The following DOCK3 variants were observed in gnomAD, a reference collection of about 807,000 sequenced individuals.
DOCK3 encodes dedicator of cytokinesis protein 3.
Under a neutral mutation model 265.6 loss-of-function variants are expected in DOCK3, and 60 were observed. The ratio of observed to expected loss-of-function variants is 0.23; its 90% CI spans 0.18 to 0.28. The LOEUF (loss-of-function observed/expected upper bound fraction) is 0.28, where lower values mean the gene tolerates loss of function less well. Among genes scored for constraint, DOCK3 ranks in the 10% least tolerant of loss-of-function variants. DOCK3 has a pLI of 1.00. For synonymous variants in DOCK3, 881 were observed against 938.0 expected (o/e 0.94, Z 1.11); for missense variants, 1,981 against 2,594.3 (o/e 0.76, Z 5.14).
intron 3 of DOCK3, 41 bp from the exon 4 acceptor site, chr3:50,889,985 A>G: frequency 2.9e-6 from 4 of 1,363,860 alleles, no homozygotes; most frequent in Non-Finnish European, 3.8e-6. Context: ...TGTTAATCAC[A>G]ATTTTATTTT....
chr3:51,062,803 G>C (rs1260093197), intron 5 of DOCK3, among the ~76,000 whole-genome samples: 1 of 152,224 alleles, frequency 6.6e-6, no homozygotes, highest in Non-Finnish European at 1.5e-5. Flanking sequence ...TTAAACAGGT[G>C]ATTTTGTTTT....
chr3:50,792,830 G>A lies in DOCK3; in HGVS notation c.121+14072G>A, dbSNP rs190972522. On this transcript the variant is annotated intron_variant, in intron 2 of 52. Coordinates refer to ENST00000266037, the MANE Select transcript of DOCK3 (RefSeq NM_004947.5). Reference sequence around the variant, plus strand: ...TGATGTGCTGCTGGATTTGGTTTGCGAATATTTCATTGAGGATTTTTGCAC... The same window carrying A: ...TGATGTGCTGCTGGATTTGGTTTGCAAATATTTCATTGAGGATTTTTGCAC... Among the ~76,000 whole-genome samples, 63 of 152,282 alleles carry A rather than the reference G, an allele frequency of 4.1e-4. No homozygotes were observed. The East Asian group carries it at 0.011, about 27-fold the overall frequency.
At chr3:51,263,916 G>A (rs970466910) in intron 23 of DOCK3, among the ~76,000 whole-genome samples, 2 of 152,170 alleles carry the variant, frequency 1.3e-5, no homozygotes, top group African/African-American at 4.8e-5. Context: ...GGTTCATAGA[G>A]CAAGTTCTTA....
chr3:50,900,649 A>G (rs192413927), intron 4 of DOCK3: 1 of 446,414 alleles, frequency 2.2e-6, no homozygotes. Flanking sequence ...TGACCTTCAG[A>G]TGGGGTTTCT....
At chr3:51,373,002 T>C (rs1214403703) in intron 49 of DOCK3, among the ~76,000 whole-genome samples, 1 of 152,228 alleles carries the variant, frequency 6.6e-6, no homozygotes, top group African/African-American at 2.4e-5. Context: ...TTTTAATGAC[T>C]GGGTCTTAAA....
chr3:50,959,518 ACT>A (rs1258006293), intron 5 of DOCK3, among the ~76,000 whole-genome samples: 28 of 139,140 alleles, frequency 2.0e-4, no homozygotes, highest in African/African-American at 7.5e-4. Flanking sequence ...ATCACATTTT[ACT>A]CTTTTTATGT....
chr3:50,982,377 G>A (rs1053641923), intron 5 of DOCK3, among the ~76,000 whole-genome samples: 3 of 152,054 alleles, frequency 2.0e-5, no homozygotes, highest in African/African-American at 7.2e-5. Context: ...GTGGTTTTCT[G>A]TAGTAATGAT....
intron 2 of DOCK3, among the ~76,000 whole-genome samples, chr3:50,796,871 C>T (rs2042817446): frequency 6.6e-6 from 1 of 151,950 alleles, no homozygotes; most frequent in Admixed American, 6.5e-5. Context: ...GGCTAATGCT[C>T]ACTCACAACT....
intron 5 of DOCK3, among the ~76,000 whole-genome samples, chr3:50,970,897 A>T (rs1287351701): frequency 2.2e-4 from 3 of 13,912 alleles, no homozygotes; most frequent in Non-Finnish European, 4.3e-4. Context: ...ATTTTTATAT[A>T]TATATATATA....
intron 22 of DOCK3, among the ~76,000 whole-genome samples, chr3:51,256,903 T>A (rs978155266): frequency 6.6e-6 from 1 of 152,200 alleles, no homozygotes; most frequent in African/African-American, 2.4e-5. Flanking sequence ...CCCCAAGAGC[T>A]TGGGCTTTTA....
chr3:51,321,847 GT>G (rs2083751280), intron 32 of DOCK3, among the ~76,000 whole-genome samples: 1 of 152,134 alleles, frequency 6.6e-6, no homozygotes, highest in African/African-American at 2.4e-5. Context: ...CCAAATATAC[GT>G]TTGATTGGCG....
rs887728769 is a variant in DOCK3, at chr3:50,848,432, C to G, written c.162+6717C>G. On this transcript the variant is annotated intron_variant, in intron 3 of 52. Transcript: ENST00000266037. The stretch of plus-strand genomic sequence containing the variant: ...TGGTTGTGTGACAGCAGGTATCGCT[C>G]TTTTTGTTTCCATGTTTAGAACTCT... 2.6e-5 allele frequency among the ~76,000 whole-genome samples: 4 copies of G among 152,316 alleles called. No individual in the cohort carries two copies. The South Asian group carries it at 8.3e-4, about 32-fold the overall frequency.
At position 51,383,043 on chromosome 3, in the gene DOCK3, CCA is replaced by C. The variant is rs1553619559; in HGVS notation, c.*1485_*1486del. 6.6e-6 allele frequency: 1 copy of C among 152,204 alleles called. No individual in the cohort carries two copies. Among genetic ancestry groups the C allele is most frequent in the African/African-American group, 2.4e-5 (1 of 41,426 alleles). 9.4% of individuals were successfully genotyped at this position (152,204 alleles called of 1,614,324 possible). ...GCCTTGTTGGGCAGGCGTATTGCCC[CCA>C]GTTCCTCTTCTGCTGGCCTGTATGA... On this transcript the variant is annotated 3_prime_UTR_variant, in exon 53 of 53. Coordinates refer to ENST00000266037, the MANE Select transcript of DOCK3 (RefSeq NM_004947.5).
intron 12 of DOCK3, among the ~76,000 whole-genome samples, chr3:51,201,848 A>G (rs1250893796): frequency 1.3e-5 from 2 of 152,250 alleles, no homozygotes; most frequent in African/African-American, 2.4e-5. Context: ...CAATCAAACT[A>G]GAACTCAGGA....
intron 5 of DOCK3, among the ~76,000 whole-genome samples, chr3:51,062,748 T>C (rs1213310913): frequency 6.6e-6 from 1 of 152,240 alleles, no homozygotes; most frequent in South Asian, 2.1e-4. Context: ...GACTATCATA[T>C]AGGCTTTGAT....
At chr3:50,743,963 T>A (rs1428767986) in intron 1 of DOCK3, among the ~76,000 whole-genome samples, 4 of 152,226 alleles carry the variant, frequency 2.6e-5, no homozygotes, top group African/African-American at 9.6e-5. Context: ...TTCTATTTTT[T>A]AAAAAGAAAA....
chr3:50,733,323 AT>A (rs1236307023), intron 1 of DOCK3, among the ~76,000 whole-genome samples: 2 of 152,182 alleles, frequency 1.3e-5, no homozygotes, highest in Non-Finnish European at 2.9e-5. Flanking sequence ...AAAGTGGTGT[AT>A]TAAAGTTCTC....
rs1449794934 is a variant in DOCK3 at position 50,675,464 on chromosome 3, G to T, written c.37+164G>T. 2.0e-5 allele frequency among the ~76,000 whole-genome samples: 3 copies of T among 151,506 alleles called. No individual in the cohort carries two copies. Among genetic ancestry groups the T allele is most frequent in the African/African-American group, 7.3e-5 (3 of 41,346 alleles). On this transcript the variant is annotated intron_variant, in intron 1 of 52. Transcript: ENST00000266037. This position sits in a 1 kb window ranked among gnomAD's most constrained non-coding sequence, Gnocchi z 6.1. ...GGGGCAGGTGCGGGTGCGGGTGCGG[G>T]TGCGGGGGTGGGCGCGGGTCTCTGT...
chr3:51,371,793 G>A lies in DOCK3; in HGVS notation c.5294-2676G>A, dbSNP rs554711047. Reference sequence around the variant, plus strand: ...TGGAAATGTCTGAGAGGAATGGCCTGCAAGGCCCCTCACACGGATCAGGAT... The same window carrying A: ...TGGAAATGTCTGAGAGGAATGGCCTACAAGGCCCCTCACACGGATCAGGAT... On this transcript the variant is annotated intron_variant, in intron 49 of 52. Transcript: ENST00000266037. Among the ~76,000 whole-genome samples the A allele has an allele frequency of 5.3e-5, 8 of 152,374 alleles. No homozygotes were observed. The East Asian group carries it at 1.5e-3, about 29-fold the overall frequency.
Sources: gnomAD v4.1 joint callset for allele counts (sites outside exome capture counted in the v4.1 genomes callset) on GRCh38, gnomAD v4.1.1 for gene constraint, Gnocchi (gnomAD v3.1) non-coding constraint, MANE v1.5 for transcripts, NCBI Gene and HGNC (gene_info 2026-07-23, HGNC 2026-07-21) for gene names.